The following SLC35F4 variants were observed in gnomAD, a reference collection of about 807,000 sequenced individuals.
SLC35F4 encodes the protein solute carrier family 35 member F4, also known as chromosome 14 open reading frame 36.
In SLC35F4, 24 loss-of-function variants were observed where a neutral mutation model predicts 44.2. The observed-to-expected ratio is 0.54, with a 90% confidence interval of 0.39 to 0.76. The LOEUF (loss-of-function observed/expected upper bound fraction) is 0.76, where lower values mean the gene tolerates loss of function less well. Ranked by LOEUF, SLC35F4 falls within the 30% of genes least tolerant of loss-of-function variation. The pLI, the probability that SLC35F4 is intolerant of heterozygous loss-of-function variation, is 0.00. For missense variants in SLC35F4, 562 were observed against 586.1 expected (o/e 0.96, Z 0.42); for synonymous variants, 238 against 223.6 (o/e 1.06, Z -0.57).
At chr14:57,579,693 C>G (rs1398446190) in intron 4 of SLC35F4, among the ~76,000 whole-genome samples, 1 of 152,148 alleles carries the variant, frequency 6.6e-6, no homozygotes, top group East Asian at 1.9e-4. Context: ...TTTACTATAT[C>G]CTCAAATATC....
intron 1 of SLC35F4, among the ~76,000 whole-genome samples, chr14:57,854,297 A>G (rs1332744164): frequency 6.6e-6 from 1 of 152,200 alleles, no homozygotes; most frequent in Non-Finnish European, 1.5e-5. Context: ...TGTGTCTTGA[A>G]GTAGTTAAAT....
intron 1 of SLC35F4, among the ~76,000 whole-genome samples, chr14:57,954,617 C>G (rs999376677): frequency 2.0e-5 from 3 of 152,136 alleles, no homozygotes; most frequent in African/African-American, 7.2e-5. Flanking sequence ...CACACTAATA[C>G]AAACTACCAT....
intron 1 of SLC35F4, among the ~76,000 whole-genome samples, chr14:57,744,739 T>C (rs758826924): frequency 3.9e-5 from 6 of 152,196 alleles, no homozygotes; most frequent in Non-Finnish European, 7.3e-5. Flanking sequence ...TGGAAAAAAC[T>C]ACTTTAAAGT....
intron 1 of SLC35F4, chr14:57,630,510 A>G: frequency 9.1e-7 from 1 of 1,096,756 alleles, no homozygotes; most frequent in Non-Finnish European, 1.4e-6. Flanking sequence ...TCTCACACCA[A>G]AACTAGAGGC....
intron 1 of SLC35F4, among the ~76,000 whole-genome samples, chr14:57,851,476 T>C (rs1886558610): frequency 1.3e-5 from 2 of 152,206 alleles, no homozygotes; most frequent in African/African-American, 4.8e-5. Context: ...GAAACCACTG[T>C]TATACACTGT....
At chr14:57,580,052 A>G (rs1182483955) in intron 4 of SLC35F4, among the ~76,000 whole-genome samples, 1 of 152,180 alleles carries the variant, frequency 6.6e-6, no homozygotes, top group African/African-American at 2.4e-5. Flanking sequence ...CCAGTAAAGA[A>G]TGTAGTGTCA....
At chr14:57,600,679 A>C (rs11847200) in intron 1 of SLC35F4, among the ~76,000 whole-genome samples, 2 of 92,902 alleles carry the variant, frequency 2.2e-5, no homozygotes, top group Non-Finnish European at 4.3e-5. Flanking sequence ...GCGACAGAGC[A>C]AGACTCCATC....
rs369408960 is a variant in SLC35F4, at chr14:57,633,323, G to A, written c.104-39199C>T. Among the ~76,000 whole-genome samples, 8 of 152,094 alleles carry A rather than the reference G, an allele frequency of 5.3e-5. 1 individual carries two copies. Among genetic ancestry groups the A allele is most frequent in the Admixed American group, 2.6e-4 (4 of 15,284 alleles). ...GAAACTGTCAAATTATCTTCCAAAGGTGCTATACCATTTTGCATTTCCACT... is the reference window on the plus strand; with the variant it reads ...GAAACTGTCAAATTATCTTCCAAAGATGCTATACCATTTTGCATTTCCACT... On this transcript the variant is annotated intron_variant, in intron 1 of 7. Coordinates refer to ENST00000556826, the MANE Select transcript of SLC35F4 (RefSeq NM_001306087.2).
intron 1 of SLC35F4, among the ~76,000 whole-genome samples, chr14:57,692,335 T>C (rs1249215204): frequency 6.6e-6 from 1 of 152,174 alleles, no homozygotes; most frequent in East Asian, 1.9e-4. Context: ...TTGTGTTATA[T>C]ATGGATGGTG....
At chr14:57,796,468 A>G (rs1275503207) in intron 1 of SLC35F4, among the ~76,000 whole-genome samples, 1 of 152,234 alleles carries the variant, frequency 6.6e-6, no homozygotes. Context: ...TTATAGTCAC[A>G]GTCAAACAAT....
At chr14:57,898,547 C>T (rs1394919927) in intron 1 of SLC35F4, among the ~76,000 whole-genome samples, 2 of 152,296 alleles carry the variant, frequency 1.3e-5, no homozygotes, top group Admixed American at 6.5e-5. Context: ...CCCATGAAAA[C>T]ATCTTGTCTC....
At chr14:57,763,207 CT>C (rs1175225270) in intron 1 of SLC35F4, among the ~76,000 whole-genome samples, 1 of 152,054 alleles carries the variant, frequency 6.6e-6, no homozygotes, top group Non-Finnish European at 1.5e-5. Context: ...CCTTTTGAAA[CT>C]TTTTGTAATT....
At chr14:57,646,696 TC>T (rs1452369372) in intron 1 of SLC35F4, among the ~76,000 whole-genome samples, 1 of 152,230 alleles carries the variant, frequency 6.6e-6, no homozygotes, top group African/African-American at 2.4e-5. Flanking sequence ...CTTCTCTAGT[TC>T]TTTTAATTGT....
At chr14:57,613,582 C>T (rs1030444143) in intron 1 of SLC35F4, among the ~76,000 whole-genome samples, 6 of 152,166 alleles carry the variant, frequency 3.9e-5, no homozygotes, top group African/African-American at 9.7e-5. Flanking sequence ...AGCAATAGTC[C>T]GAGCAAACAT....
chr14:57,885,550 C>T (rs868196148), intron 1 of SLC35F4, among the ~76,000 whole-genome samples: 1 of 152,152 alleles, frequency 6.6e-6, no homozygotes, highest in Non-Finnish European at 1.5e-5. Flanking sequence ...CTTCCCTACA[C>T]TGTCTAATAC....
At chr14:57,680,816 T>C (rs145272232) in intron 1 of SLC35F4, among the ~76,000 whole-genome samples, 22,399 of 152,082 alleles carry the variant, frequency 0.15, 1,893 homozygotes, top group East Asian at 0.29. Context: ...TTATAAGGGA[T>C]GTGAAGGACC....
chr14:57,959,597 A>T (rs987867833), intron 1 of SLC35F4, among the ~76,000 whole-genome samples: 2 of 152,184 alleles, frequency 1.3e-5, no homozygotes, highest in African/African-American at 2.4e-5. Flanking sequence ...AGCCATGACA[A>T]ATGTGACCAC....
intron 1 of SLC35F4, among the ~76,000 whole-genome samples, chr14:57,713,792 C>T (rs2075869479): frequency 6.6e-6 from 1 of 152,026 alleles, no homozygotes; most frequent in African/African-American, 2.4e-5. Context: ...TTTAAAAAAT[C>T]AAATTAATGG....
intron 3 of SLC35F4, 80 bp downstream of exon 3, chr14:57,589,134 CAT>C: frequency 6.9e-7 from 1 of 1,457,964 alleles, no homozygotes; most frequent in East Asian, 2.3e-5. Context: ...AAACTCAACT[CAT>C]ATTCCCAAGA....
Sources: allele counts gnomAD v4.1 joint callset (sites outside exome capture counted in the v4.1 genomes callset), GRCh38; gene constraint gnomAD v4.1.1; transcripts MANE v1.5; gene names NCBI Gene and HGNC (gene_info 2026-07-23, HGNC 2026-07-21).